TMEM266: variants seen among roughly 807,000 people sequenced by gnomAD.
TMEM266 encodes the protein Hv1 related protein 1.
In TMEM266, 33 loss-of-function variants were observed where a neutral mutation model predicts 50.5. That is an observed-to-expected ratio of 0.65 (90% confidence interval 0.50 to 0.87). The LOEUF is 0.87. Ranked by LOEUF, TMEM266 falls within the 40% of genes least tolerant of loss-of-function variation. The pLI, the probability that TMEM266 is intolerant of heterozygous loss-of-function variation, is 0.00. For synonymous variants in TMEM266, 310 were observed against 292.3 expected, an observed-to-expected ratio of 1.06 and a Z score of -0.62; for missense variants, 655 against 695.1, an observed-to-expected ratio of 0.94 and a Z score of 0.65.
chr15:76,146,456 G>A lies in TMEM266; in HGVS notation c.227+8561G>A, dbSNP rs555864411. On this transcript the variant is annotated intron_variant, in intron 3 of 10. Transcript: ENST00000388942. Reference sequence around the variant, plus strand: ...GTCAGCGCTGGACTCCTAGGCAGGGGAAGCTTGGAGGAAGTTCGGGTCTTG... The same window carrying A: ...GTCAGCGCTGGACTCCTAGGCAGGGAAAGCTTGGAGGAAGTTCGGGTCTTG... 8.7e-4 allele frequency among the ~76,000 whole-genome samples: 133 copies of A among 152,308 alleles called. 3 individuals carry two copies. The South Asian group carries it at 0.027, about 31-fold the overall frequency.
At chr15:76,085,817 T>TGGGC (rs753651480) in intron 1 of TMEM266, among the ~76,000 whole-genome samples, 56 of 152,132 alleles carry the variant, frequency 3.7e-4, no homozygotes, top group Non-Finnish European at 7.4e-4. Context: ...GAGGCCGAGG[T>TGGGC]GGGCGGATCA....
rs1193659794 is a variant in TMEM266, at chr15:76,161,392, G to A, written c.456+1224G>A. ...GGGTGGCGTGGGCAGAGGCACTGAGGTGGGGAACCCCGGGAGTCAGGAGTC... is the reference window on the plus strand; with the variant it reads ...GGGTGGCGTGGGCAGAGGCACTGAGATGGGGAACCCCGGGAGTCAGGAGTC... On this transcript the variant is annotated intron_variant, in intron 5 of 10. Transcript: ENST00000388942. The surrounding 1 kb of genome is among the most constrained non-coding windows in gnomAD (Gnocchi z 4.1). Among the ~76,000 whole-genome samples the A allele has an allele frequency of 6.6e-6, 1 of 152,102 alleles. No individual in the cohort carries two copies. Among genetic ancestry groups the A allele is most frequent in the South Asian group, 2.1e-4 (1 of 4,822 alleles).
chr15:76,103,491 T>C (rs894390186), intron 1 of TMEM266, among the ~76,000 whole-genome samples: 1 of 152,030 alleles, frequency 6.6e-6, no homozygotes, highest in Non-Finnish European at 1.5e-5. Flanking sequence ...CCTGAGCAAC[T>C]GGAAGGGTCG....
At position 76,204,190 on chromosome 15, in the gene TMEM266, G is replaced by A; in HGVS notation, c.1471G>A (p.Glu491Lys). 1 of 1,613,926 alleles carries A rather than the reference G, an allele frequency of 6.2e-7. No individual in the cohort carries two copies. The highest frequency in any genetic ancestry group is 1.3e-5 in the African/African-American group (1 of 75,074). ...AAGTCTGTTCAACCAGAAGAACCAG[G>A]AGGGCTTCACTGTCTTTCAGATCAG... Residue 491 changes from glutamate to lysine, a missense_variant, in exon 11 of 11, where the codon GAG (glutamate) becomes AAG (lysine). This residue lies in a region of TMEM266 where 455 missense variants were observed against 401.8 expected (regional missense o/e 1.13). Transcript: ENST00000388942.
chr15:76,190,864 C>T (rs964486112), intron 8 of TMEM266, among the ~76,000 whole-genome samples: 6 of 152,084 alleles, frequency 3.9e-5, no homozygotes, highest in African/African-American at 1.4e-4. Context: ...GGCGCCCGGG[C>T]GTGGTATTTC....
chr15:76,185,167 T>C (rs2038474941), intron 8 of TMEM266, among the ~76,000 whole-genome samples: 1 of 152,222 alleles, frequency 6.6e-6, no homozygotes, highest in South Asian at 2.1e-4. Context: ...ATGTTTTTTA[T>C]TAGATTTGGG....
intron 8 of TMEM266, 40 bp from the exon 9 acceptor site, chr15:76,191,928 C>A (rs78438628): frequency 6.6e-7 from 1 of 1,526,446 alleles, no homozygotes; most frequent in Non-Finnish European, 8.7e-7. Context: ...CCCCGCCGGC[C>A]CCTCGCCGCT....
chr15:76,108,532 AG>A (rs2037120771), intron 1 of TMEM266, among the ~76,000 whole-genome samples: 1 of 152,212 alleles, frequency 6.6e-6, no homozygotes, highest in South Asian at 2.1e-4. Context: ...ATTTCTAATG[AG>A]CTCCCAGGTG....
At chr15:76,194,943 A>G (rs1461622262) in intron 9 of TMEM266, among the ~76,000 whole-genome samples, 1 of 152,144 alleles carries the variant, frequency 6.6e-6, no homozygotes, top group African/African-American at 2.4e-5. Flanking sequence ...GGGCAGGCAC[A>G]TAAGACCCCT....
intron 1 of TMEM266, among the ~76,000 whole-genome samples, chr15:76,119,481 C>T (rs904475786): frequency 3.3e-5 from 5 of 150,928 alleles, no homozygotes; most frequent in Admixed American, 6.6e-5. Flanking sequence ...AATATTGTGA[C>T]GGGAGCCGGG....
chr15:76,201,148 T>C (rs777207149), intron 9 of TMEM266, among the ~76,000 whole-genome samples: 11 of 152,082 alleles, frequency 7.2e-5, no homozygotes, highest in Admixed American at 2.6e-4. Context: ...CTTTCTGGTG[T>C]CTGACCCCAC....
At chr15:76,091,017 CTG>C (rs1224077709) in intron 1 of TMEM266, among the ~76,000 whole-genome samples, 2 of 152,106 alleles carry the variant, frequency 1.3e-5, no homozygotes, top group African/African-American at 4.8e-5. Context: ...CAAAATATCA[CTG>C]TGTATCCTAT....
At chr15:76,100,104 G>A (rs1430840934) in intron 1 of TMEM266, among the ~76,000 whole-genome samples, 1 of 152,124 alleles carries the variant, frequency 6.6e-6, no homozygotes, top group African/African-American at 2.4e-5. Flanking sequence ...TTTGGGTGGG[G>A]ACACAGAGGG....
intron 5 of TMEM266, among the ~76,000 whole-genome samples, chr15:76,162,534 A>G (rs1236194511): frequency 6.6e-6 from 1 of 152,210 alleles, no homozygotes. Flanking sequence ...AGTGTCCGTC[A>G]GTGGTGGGTC....
chr15:76,146,775 A>C lies in TMEM266; in HGVS notation c.227+8880A>C, dbSNP rs1034268347. 3.3e-5 allele frequency among the ~76,000 whole-genome samples: 5 copies of C among 152,370 alleles called. No individual in the cohort carries two copies. In the East Asian group the frequency reaches 7.7e-4, roughly 23 times the overall value. On this transcript the variant is annotated intron_variant, in intron 3 of 10. Transcript: ENST00000388942. ...CTGTACTGTCTGGCTTGAGGGCCACAGCCTCCAGAAAGTCTTCTCTCCTCT... is the reference window on the plus strand; with the variant it reads ...CTGTACTGTCTGGCTTGAGGGCCACCGCCTCCAGAAAGTCTTCTCTCCTCT...
rs184028906 is a variant in TMEM266 at position 76,161,475 on chromosome 15, C to T, written c.456+1307C>T. Reference sequence around the variant, plus strand: ...GCTAATGGCTCTGCTCTCTCTCTCTCTCTCTCCCTAAAAATCAGGAGGGAG... The same window carrying T: ...GCTAATGGCTCTGCTCTCTCTCTCTTTCTCTCCCTAAAAATCAGGAGGGAG... On this transcript the variant is annotated intron_variant, in intron 5 of 10. Coordinates refer to ENST00000388942, the MANE Select transcript of TMEM266 (RefSeq NM_152335.3). This position sits in a 1 kb window ranked among gnomAD's most constrained non-coding sequence, Gnocchi z 4.1. Among the ~76,000 whole-genome samples, 97 of 152,104 alleles carry T rather than the reference C, an allele frequency of 6.4e-4. 1 individual carries two copies. In the East Asian group the frequency reaches 0.015, roughly 24 times the overall value.
chr15:76,088,662 T>A (rs778063599), intron 1 of TMEM266, among the ~76,000 whole-genome samples: 44 of 151,822 alleles, frequency 2.9e-4, no homozygotes, highest in Non-Finnish European at 5.9e-5. Context: ...CCAGGCGTGG[T>A]GGCAGGCGCC....
At chr15:76,187,947 A>G (rs2038512916) in intron 8 of TMEM266, among the ~76,000 whole-genome samples, 1 of 152,142 alleles carries the variant, frequency 6.6e-6, no homozygotes, top group Admixed American at 6.5e-5. Context: ...TGGTTCGCAG[A>G]TGATATTCTC....
chr15:76,127,369 C>G lies in TMEM266; in HGVS notation c.-96-6799C>G, dbSNP rs545621194. Among the ~76,000 whole-genome samples the G allele has an allele frequency of 1.6e-3, 241 of 150,950 alleles. 4 individuals are homozygous for G. In the South Asian group the frequency reaches 0.025, roughly 15 times the overall value. On this transcript the variant is annotated intron_variant, in intron 1 of 10. Coordinates refer to ENST00000388942, the MANE Select transcript of TMEM266 (RefSeq NM_152335.3). ...TAAGACAGTGCCTTGGTCTGTTGCC[C>G]AGGCTGGAGTGCAGTGGCTCAATCA... is the stretch of plus-strand genomic sequence containing the variant.
Sources: allele counts gnomAD v4.1 joint callset (sites outside exome capture counted in the v4.1 genomes callset), GRCh38; gene constraint gnomAD v4.1.1; regional missense constraint gnomAD v4.1.1; non-coding constraint Gnocchi (gnomAD v3.1); transcripts MANE v1.5; gene names NCBI Gene and HGNC (gene_info 2026-07-23, HGNC 2026-07-21).